Variants in IQGAP2 observed in about 807,000 individuals in gnomAD.
The protein encoded by IQGAP2 is ras GTPase-activating-like protein IQGAP2.
In IQGAP2, 173 loss-of-function variants were observed where a neutral mutation model predicts 201.3. The observed-to-expected ratio is 0.86, with a 90% confidence interval of 0.76 to 0.98. The LOEUF (loss-of-function observed/expected upper bound fraction) is 0.98, where lower values mean the gene tolerates loss of function less well. Among genes scored for constraint, IQGAP2 ranks in the 50% least tolerant of loss-of-function variants. IQGAP2 has a pLI of 0.00. For synonymous variants in IQGAP2, 675 were observed against 673.9 expected (o/e 1.00, Z -0.03); for missense variants, 1,687 against 1,864.8 (o/e 0.90, Z 1.76).
At chr5:76,699,536 T>A (rs1747072908) in intron 33 of IQGAP2, 1 of 152,070 alleles carries the variant, frequency 6.6e-6, no homozygotes, top group Non-Finnish European at 1.5e-5. Flanking sequence ...TGCAGCCACA[T>A]TTAAACCTTA....
intron 1 of IQGAP2, among the ~76,000 whole-genome samples, chr5:76,428,821 G>T (rs574281005): frequency 6.6e-6 from 1 of 151,750 alleles, no homozygotes; most frequent in African/African-American, 2.4e-5. Context: ...AGCCAGGTGT[G>T]GTGGCTCATG....
At chr5:76,642,372 G>A (rs953247700) in intron 17 of IQGAP2, among the ~76,000 whole-genome samples, 1 of 152,100 alleles carries the variant, frequency 6.6e-6, no homozygotes, top group Non-Finnish European at 1.5e-5. Flanking sequence ...GGACAGGAAC[G>A]ATCATTTGGA....
intron 2 of IQGAP2, among the ~76,000 whole-genome samples, chr5:76,547,730 T>C (rs1438020767): frequency 6.6e-6 from 1 of 152,222 alleles, no homozygotes; most frequent in Non-Finnish European, 1.5e-5. Context: ...CCCCAGCTCA[T>C]GGTTATCTTG....
At position 76,637,122 on chromosome 5, in the gene IQGAP2, C is replaced by G. The variant is rs971543328; in HGVS notation, c.1869C>G (p.Val623=). 21 of 1,611,834 alleles carry G rather than the reference C, an allele frequency of 1.3e-5. No homozygotes were observed. Among genetic ancestry groups the G allele is most frequent in the Non-Finnish European group, 1.6e-5 (19 of 1,178,660 alleles). Residue 623 remains valine (V), a synonymous_variant, in exon 16 of 36, where the codon GTC becomes GTG. Coordinates refer to ENST00000274364, the MANE Select transcript of IQGAP2 (RefSeq NM_006633.5). ...CTGATTCAAAAGAGAGTTCCTGGGTCACACCTGAATCATGCTTGTATAAAG... is the reference window on the plus strand; with the variant it reads ...CTGATTCAAAAGAGAGTTCCTGGGTGACACCTGAATCATGCTTGTATAAAG... The part of the protein sequence containing the change: ...YNTDSKESSW[V]TPESCLYKES...
intron 15 of IQGAP2, among the ~76,000 whole-genome samples, chr5:76,632,473 T>C (rs1408466375): frequency 6.6e-6 from 1 of 152,160 alleles, no homozygotes; most frequent in Admixed American, 6.5e-5. Context: ...AGGCAACTAG[T>C]TATGCCTACT....
In IQGAP2 at chr5:76,694,701, G is replaced by A. The variant is rs190617383; in HGVS notation, c.3994-753G>A. Among the ~76,000 whole-genome samples the A allele has an allele frequency of 6.7e-3, 1,018 of 152,270 alleles. 2 individuals carry two copies. The highest frequency in any genetic ancestry group is 0.012 in the Non-Finnish European group (830 of 68,018). On this transcript the variant is annotated intron_variant, in intron 31 of 35. Coordinates refer to ENST00000274364, the MANE Select transcript of IQGAP2 (RefSeq NM_006633.5). ...CTGGTAATAATGTTCCAATAATATT[G>A]ACCTACCTGTCCTGTGTCTAAGATT... is the stretch of plus-strand genomic sequence containing the variant.
intron 1 of IQGAP2, among the ~76,000 whole-genome samples, chr5:76,436,169 T>C (rs1580184916): frequency 6.6e-6 from 1 of 152,044 alleles, no homozygotes; most frequent in South Asian, 2.1e-4. Context: ...CAAACAATGA[T>C]AATTTGACTT....
chr5:76,647,864 T>G (rs1202739357), intron 17 of IQGAP2, among the ~76,000 whole-genome samples: 1 of 143,286 alleles, frequency 7.0e-6, no homozygotes, highest in Non-Finnish European at 1.5e-5. Flanking sequence ...CGAAAAAAAC[T>G]GTAATGCCTC....
intron 2 of IQGAP2, among the ~76,000 whole-genome samples, chr5:76,477,246 T>G (rs1295865104): frequency 6.6e-6 from 1 of 151,852 alleles, no homozygotes; most frequent in Admixed American, 6.6e-5. Flanking sequence ...GAGGCTGAGG[T>G]AGGAGGATCA....
chr5:76,682,998 A>G (rs1185797780), intron 28 of IQGAP2, 117 bp from the exon 29 acceptor site: 1 of 560,236 alleles, frequency 1.8e-6, no homozygotes, highest in Non-Finnish European at 3.1e-6. Flanking sequence ...TATAAATGTC[A>G]TACTCATATT....
intron 5 of IQGAP2, among the ~76,000 whole-genome samples, chr5:76,583,547 A>G (rs188522179): frequency 6.9e-4 from 105 of 152,302 alleles, no homozygotes; most frequent in African/African-American, 2.4e-3. Flanking sequence ...TGCAAATGAG[A>G]TCTTTACCTG....
intron 15 of IQGAP2, among the ~76,000 whole-genome samples, chr5:76,633,617 A>G (rs572404763): frequency 6.6e-6 from 1 of 152,292 alleles, no homozygotes; most frequent in African/African-American, 2.4e-5. Flanking sequence ...ACAAGGTTGT[A>G]CATCCAACAC....
intron 2 of IQGAP2, among the ~76,000 whole-genome samples, chr5:76,553,163 T>G (rs1162969234): frequency 6.6e-6 from 1 of 152,224 alleles, no homozygotes; most frequent in Non-Finnish European, 1.5e-5. Flanking sequence ...ATGAAAAGTT[T>G]TGCCATGAGA....
intron 23 of IQGAP2, among the ~76,000 whole-genome samples, chr5:76,670,057 A>AG (rs1168299889): frequency 1.3e-5 from 2 of 152,102 alleles, no homozygotes; most frequent in African/African-American, 2.4e-5. Flanking sequence ...TCCTGACTTC[A>AG]GGGGGATAGG....
chr5:76,548,291 C>T (rs914949644), intron 2 of IQGAP2, among the ~76,000 whole-genome samples: 1 of 152,182 alleles, frequency 6.6e-6, no homozygotes, highest in Admixed American at 6.5e-5. Context: ...CACAGCTGTA[C>T]CCCCACAGAC....
intron 11 of IQGAP2, among the ~76,000 whole-genome samples, chr5:76,603,971 TA>T (rs201482458): frequency 6.6e-6 from 1 of 152,162 alleles, no homozygotes; most frequent in Non-Finnish European, 1.5e-5. Context: ...TGTGTTACTT[TA>T]AAAAAAATTT....
At chr5:76,625,595 C>T (rs187870084) in intron 13 of IQGAP2, among the ~76,000 whole-genome samples, 53 of 152,336 alleles carry the variant, frequency 3.5e-4, no homozygotes. Context: ...CAGGCACCAA[C>T]ACTTCCCCAG....
At chr5:76,433,421 C>G (rs1752484133) in intron 1 of IQGAP2, among the ~76,000 whole-genome samples, 1 of 152,204 alleles carries the variant, frequency 6.6e-6, no homozygotes, top group African/African-American at 2.4e-5. Flanking sequence ...CCCTCTCTTA[C>G]AGCTGTTGTT....
At chr5:76,526,029 G>A (rs377487990) in intron 2 of IQGAP2, among the ~76,000 whole-genome samples, 105 of 152,300 alleles carry the variant, frequency 6.9e-4, no homozygotes, top group African/African-American at 2.5e-3. Context: ...TTATTTTCCT[G>A]TCCCAGTCCC....
Sources: allele counts gnomAD v4.1 joint callset (sites outside exome capture counted in the v4.1 genomes callset), GRCh38; gene constraint gnomAD v4.1.1; transcripts MANE v1.5; gene names NCBI Gene and HGNC (gene_info 2026-07-23, HGNC 2026-07-21).